Variants in MMP14 observed in about 807,000 individuals in gnomAD.
MMP14 encodes the protein matrix metalloproteinase-14.
In MMP14, 13 loss-of-function variants were observed where a neutral mutation model predicts 64.8. That is an observed-to-expected ratio of 0.20 (90% confidence interval 0.13 to 0.32). The LOEUF (loss-of-function observed/expected upper bound fraction) is 0.32. Ranked by LOEUF, MMP14 falls within the 10% of genes least tolerant of loss-of-function variation. MMP14 has a pLI of 1.00. For missense variants in MMP14, 594 were observed against 783.8 expected (o/e 0.76, Z 2.89); for synonymous variants, 322 against 315.9 (o/e 1.02, Z -0.20).
In MMP14 at chr14:22,846,893, A is replaced by G. The variant is rs2039818709; in HGVS notation, c.*854A>G. ...GGGGGTGAGCCTGAAGGCCACAGAG[A>G]AAGAACCTTGCCCAAACTCAGGCAG... On this transcript the variant is annotated 3_prime_UTR_variant, in exon 10 of 10. Coordinates refer to ENST00000311852, the MANE Select transcript of MMP14 (RefSeq NM_004995.4). 1 of 152,590 alleles carries G rather than the reference A, an allele frequency of 6.6e-6. No homozygotes were observed. The highest frequency in any genetic ancestry group is 2.1e-4 in the South Asian group (1 of 4,836). 9.5% of individuals were successfully genotyped at this position (152,590 alleles called of 1,614,324 possible).
Position 22,842,461 on chromosome 14 carries a change from T to C in MMP14, c.432T>C (p.Ile144=). 6.2e-7 allele frequency: 1 copy of C among 1,614,110 alleles called. No homozygotes were observed. The highest frequency in any genetic ancestry group is 8.5e-7 in the Non-Finnish European group (1 of 1,180,006). Residue 144 remains isoleucine (I), a synonymous_variant, in exon 4 of 10, where the codon ATT becomes ATC. Transcript: ENST00000311852. This position sits in a 1 kb window ranked among gnomAD's most constrained non-coding sequence, Gnocchi z 5.3. ...GCGAGTATGCCACATACGAGGCCAT[T>C]CGCAAGGCGTTCCGCGTGTGGGAGA... is the stretch of plus-strand genomic sequence containing the variant. The part of the protein sequence containing the change: ...KVGEYATYEA[I]RKAFRVWESA...
rs993731511 is a variant in MMP14 at position 22,845,276 on chromosome 14, A to G, written c.1327A>G (p.Arg443Gly). Residue 443 changes from arginine (R) to glycine (G), a missense_variant, in exon 9 of 10, where the codon AGG becomes GGG. Transcript: ENST00000311852. ...NKYYRFNEEL[R>G]AVDSEYPKNI... Reference sequence around the variant, plus strand: ...GTACTACCGTTTCAACGAAGAGCTCAGGGCAGTGGATAGCGAGTACCCCAA... The same window carrying G: ...GTACTACCGTTTCAACGAAGAGCTCGGGGCAGTGGATAGCGAGTACCCCAA... 2.5e-6 allele frequency: 4 copies of G among 1,613,792 alleles called. No individual in the cohort carries two copies. In the South Asian group the frequency reaches 4.4e-5, roughly 18 times the overall value.
chr14:22,845,829 G>C lies in MMP14; in HGVS notation c.1539G>C (p.Arg513=), dbSNP rs778343260. Reference sequence around the variant, plus strand: ...GGATGGGCTGCCCATCGGGAGGCCGGCCGGATGAGGGGACTGAGGAGGAGA... The same window carrying C: ...GGATGGGCTGCCCATCGGGAGGCCGCCCGGATGAGGGGACTGAGGAGGAGA... The part of the protein sequence containing the change: ...RDWMGCPSGG[R]PDEGTEEETE... Residue 513 remains arginine (R), a synonymous_variant, in exon 10 of 10, where the codon CGG becomes CGC. Transcript: ENST00000311852. 16 of 1,614,066 alleles carry C rather than the reference G, an allele frequency of 9.9e-6. No homozygotes were observed. In the East Asian group the frequency reaches 3.1e-4, roughly 31 times the overall value.
At position 22,842,290 on chromosome 14, in the gene MMP14, G is replaced by T; in HGVS notation, c.381-120G>T. The T allele has an allele frequency of 8.5e-7, 1 of 1,179,354 alleles. No individual in the cohort carries two copies. The allele number at this position is 1,179,354 out of a possible 1,614,324, so 73.1% of individuals were successfully genotyped here. A position where few individuals can be genotyped will look rare whatever the true frequency, so the allele number is the denominator to read the frequency against. ...CGTTGCGCATGAGGTAGCAGGAAGAGCTGGGTCAGGCAGAGGTGGCTGGGC... is the reference window on the plus strand; with the variant it reads ...CGTTGCGCATGAGGTAGCAGGAAGATCTGGGTCAGGCAGAGGTGGCTGGGC... On this transcript the variant is annotated intron_variant, in intron 3 of 9. Coordinates refer to ENST00000311852, the MANE Select transcript of MMP14 (RefSeq NM_004995.4). The surrounding 1 kb of genome is among the most constrained non-coding windows in gnomAD (Gnocchi z 5.3).
In MMP14 at chr14:22,843,150, A is replaced by G; in HGVS notation, c.689-107A>G. ...TCAGAATTTGGCCACTTTGGATTGAAAACATGGGCAGCAGGCTTGGAGGTG... is the reference window on the plus strand; with the variant it reads ...TCAGAATTTGGCCACTTTGGATTGAGAACATGGGCAGCAGGCTTGGAGGTG... On this transcript the variant is annotated intron_variant, in intron 4 of 9. Transcript: ENST00000311852. This position sits in a 1 kb window ranked among gnomAD's most constrained non-coding sequence, Gnocchi z 4.8. The G allele has an allele frequency of 7.4e-7, 1 of 1,355,954 alleles. No homozygotes were observed. The highest frequency in any genetic ancestry group is 1.0e-6 in the Non-Finnish European group (1 of 994,164). The allele number at this position is 1,355,954 out of a possible 1,614,324, so 84.0% of individuals were successfully genotyped here.
At position 22,841,477 on chromosome 14, in the gene MMP14, C is replaced by G. The variant is rs367583211; in HGVS notation, c.109-14C>G. The stretch of plus-strand genomic sequence containing the variant: ...CAGGTGGGGACACTCTAAGCCATAC[C>G]CCTTTCCCTACAGGCCTGGCTACAG... On this transcript the variant is annotated splice_polypyrimidine_tract_variant and intron_variant, in intron 1 of 9. Transcript: ENST00000311852. 1.5e-5 allele frequency: 24 copies of G among 1,612,806 alleles called. No homozygotes were observed. The East Asian group carries it at 5.3e-4, about 36-fold the overall frequency.
rs772920353 is a variant in MMP14 at position 22,844,550 on chromosome 14, G to T, written c.1150+41G>T. 7 of 1,613,654 alleles carry T rather than the reference G, an allele frequency of 4.3e-6. No homozygotes were observed. The African/African-American group carries it at 6.7e-5, about 15-fold the overall frequency. On this transcript the variant is annotated intron_variant, in intron 7 of 9. Coordinates refer to ENST00000311852, the MANE Select transcript of MMP14 (RefSeq NM_004995.4). ...ACTTTAGTCTTTGGGAGTGAGGCGG[G>T]TCTCCCTAGAGGAGCTGATTTCCTC... is the stretch of plus-strand genomic sequence containing the variant.
Position 22,843,137 on chromosome 14 carries a change from C to T in MMP14, c.689-120C>T. The T allele has an allele frequency of 6.6e-6, 8 of 1,214,258 alleles. No homozygotes were observed. Among genetic ancestry groups the T allele is most frequent in the Non-Finnish European group, 9.2e-6 (8 of 874,016 alleles). The allele number at this position is 1,214,258 out of a possible 1,614,324, so 75.2% of individuals were successfully genotyped here. On this transcript the variant is annotated intron_variant, in intron 4 of 9. Transcript: ENST00000311852. This position sits in a 1 kb window ranked among gnomAD's most constrained non-coding sequence, Gnocchi z 4.8. ...AAAAAGCTAGACCTCAGAATTTGGC[C>T]ACTTTGGATTGAAAACATGGGCAGC...
Position 22,844,614 on chromosome 14 carries a change from C to T in MMP14, c.1151-16C>T. ...GCCTAAGTTGAACCCAGACGTTGCC[C>T]TCCTGTCCTCCCCAGGAGACAAGCA... On this transcript the variant is annotated splice_polypyrimidine_tract_variant and intron_variant, in intron 7 of 9. Coordinates refer to ENST00000311852, the MANE Select transcript of MMP14 (RefSeq NM_004995.4). The T allele has an allele frequency of 6.2e-7, 1 of 1,614,108 alleles. No homozygotes were observed. Among genetic ancestry groups the T allele is most frequent in the Non-Finnish European group, 8.5e-7 (1 of 1,179,990 alleles).
At chr14:22,839,085 CG>C (rs1465575865) in intron 1 of MMP14, among the ~76,000 whole-genome samples, 1 of 152,196 alleles carries the variant, frequency 6.6e-6, no homozygotes, top group African/African-American at 2.4e-5. Context: ...TTCCTTCTGT[CG>C]TTCTGTCTTC....
chr14:22,844,226 TG>T, intron 6 of MMP14, 144 bp from the exon 7 acceptor site: 1 of 1,177,676 alleles, frequency 8.5e-7, no homozygotes, highest in Non-Finnish European at 1.2e-6. Context: ...GGGTACTCTG[TG>T]GTAGGGCGGC....
At chr14:22,841,686 A>C in intron 2 of MMP14, 47 bp downstream of exon 2, 1 of 1,609,704 alleles carries the variant, frequency 6.2e-7, no homozygotes, top group Non-Finnish European at 8.5e-7. Context: ...TCCACTGACA[A>C]TGCCAGCGCC....
rs556203511 is a variant in MMP14 at position 22,842,357 on chromosome 14, G to T, written c.381-53G>T. ...GGAGAGTGCAGGGAAGGAGAATGTT[G>T]CCCCTCTTTATCCTAACACACCCCA... On this transcript the variant is annotated intron_variant, in intron 3 of 9. Coordinates refer to ENST00000311852, the MANE Select transcript of MMP14 (RefSeq NM_004995.4). This position sits in a 1 kb window ranked among gnomAD's most constrained non-coding sequence, Gnocchi z 5.3. 1.3e-6 allele frequency: 2 copies of T among 1,558,022 alleles called. No homozygotes were observed. Among genetic ancestry groups the T allele is most frequent in the Admixed American group, 3.5e-5 (2 of 57,054 alleles).
chr14:22,842,599 G>A lies in MMP14; in HGVS notation c.570G>A (p.Thr190=), dbSNP rs375371923. 1.1e-4 allele frequency: 172 copies of A among 1,614,068 alleles called. No homozygotes were observed. Among genetic ancestry groups the A allele is most frequent in the South Asian group, 1.5e-4 (14 of 91,084 alleles). ...FFAEGFHGDS[T]PFDGEGGFLA... ...CCGAGGGCTTCCATGGCGACAGCAC[G>A]CCCTTCGATGGTGAGGGCGGCTTCC... The change falls in exon 4 of 10, where the codon ACG becomes ACA. Residue 190 remains threonine (T), a synonymous_variant. Transcript: ENST00000311852. This position sits in a 1 kb window ranked among gnomAD's most constrained non-coding sequence, Gnocchi z 5.3.
rs1230442957 is a variant in MMP14 at position 22,841,910 on chromosome 14, C to T, written c.258-3C>T. ...CCAATCCTCGCACCCAAACCCACTC[C>T]AGGGCCATGAGGCGCCCCCGATGTG... On this transcript the variant is annotated splice_region_variant and splice_polypyrimidine_tract_variant and intron_variant, in intron 2 of 9. Coordinates refer to ENST00000311852, the MANE Select transcript of MMP14 (RefSeq NM_004995.4). 2 of 1,614,100 alleles carry T rather than the reference C, an allele frequency of 1.2e-6. No individual in the cohort carries two copies. The highest frequency in any genetic ancestry group is 1.7e-6 in the Non-Finnish European group (2 of 1,180,046).
chr14:22,839,962 C>CTTTTTTTCTTTTTTTTT (rs2039761455), intron 1 of MMP14, among the ~76,000 whole-genome samples: 1 of 90,806 alleles, frequency 1.1e-5, no homozygotes, highest in African/African-American at 5.1e-5. Context: ...GCTTGTTTTA[C>CTTTTTTTCTTTTTTTTT]TTTTTTTTTT....
Position 22,845,710 on chromosome 14 carries a change from T to C in MMP14, c.1420T>C (p.Phe474Leu). The C allele has an allele frequency of 6.2e-7, 1 of 1,613,890 alleles. No individual in the cohort carries two copies. The highest frequency in any genetic ancestry group is 1.1e-5 in the South Asian group (1 of 91,052). The stretch of plus-strand genomic sequence containing the variant: ...ACCTTCTGATTCACTCCCTGCAGTC[T>C]TCACTTACTTCTACAAGGGGAACAA... ...RGSFMGSDEV[F>L]TYFYKGNKYW... The change falls in exon 10 of 10, where the codon TTC becomes CTC. Residue 474 changes from phenylalanine to leucine, a missense_variant and splice_region_variant. This residue lies in a region of MMP14 where 364 missense variants were observed against 425.2 expected (regional missense o/e 0.86). Coordinates refer to ENST00000311852, the MANE Select transcript of MMP14 (RefSeq NM_004995.4).
rs1199793975 is a variant in MMP14, at chr14:22,844,521, C to A, written c.1150+12C>A. On this transcript the variant is annotated intron_variant, in intron 7 of 9. Coordinates refer to ENST00000311852, the MANE Select transcript of MMP14 (RefSeq NM_004995.4). ...CGTCTTCTTCAAAGGTAACCAGGCA[C>A]TCCACTTTAGTCTTTGGGAGTGAGG... is the stretch of plus-strand genomic sequence containing the variant. The A allele has an allele frequency of 1.2e-6, 2 of 1,614,152 alleles. No individual in the cohort carries two copies. Among genetic ancestry groups the A allele is most frequent in the Non-Finnish European group, 1.7e-6 (2 of 1,180,008 alleles).
chr14:22,847,525 T>G lies in MMP14; in HGVS notation c.*1486T>G. 1 of 151,782 alleles carries G rather than the reference T, an allele frequency of 6.6e-6. No homozygotes were observed. Among genetic ancestry groups the G allele is most frequent in the African/African-American group, 2.4e-5 (1 of 41,404 alleles). 9.4% of individuals were successfully genotyped at this position (151,782 alleles called of 1,614,324 possible). A position where few individuals can be genotyped will look rare whatever the true frequency, so the allele number is the denominator to read the frequency against. ...GAACGGTGCTGGCAGTTCGGCTAGA[T>G]TTCTGTCTTGTTTGTTTTTTTGTTT... On this transcript the variant is annotated 3_prime_UTR_variant, in exon 10 of 10. Transcript: ENST00000311852.
Sources: allele counts gnomAD v4.1 joint callset (sites outside exome capture counted in the v4.1 genomes callset), GRCh38; gene constraint gnomAD v4.1.1; regional missense constraint gnomAD v4.1.1; non-coding constraint Gnocchi (gnomAD v3.1); transcripts MANE v1.5; gene names NCBI Gene and HGNC (gene_info 2026-07-23, HGNC 2026-07-21).